PRKCA: variants seen among roughly 807,000 people sequenced by gnomAD.
The protein encoded by PRKCA is protein kinase C alpha.
Under a neutral mutation model 87.0 loss-of-function variants are expected in PRKCA, and 27 were observed. That is an observed-to-expected ratio of 0.31 (90% CI 0.23 to 0.43). The LOEUF (loss-of-function observed/expected upper bound fraction) is 0.43, where lower values mean the gene tolerates loss of function less well. PRKCA is among the 20% of genes least tolerant of loss of function. PRKCA has a pLI of 1.00. For missense variants in PRKCA, 518 were observed against 852.3 expected (o/e 0.61, Z 4.88); for synonymous variants, 329 against 311.1 (o/e 1.06, Z -0.61).
At chr17:66,306,973 C>G (rs1210730623) in intron 2 of PRKCA, among the ~76,000 whole-genome samples, 1 of 152,106 alleles carries the variant, frequency 6.6e-6, no homozygotes, top group African/African-American at 2.4e-5. Flanking sequence ...AAAGTACATT[C>G]TAGCCTGGAA....
chr17:66,549,650 G>T (rs1968265582), intron 3 of PRKCA, among the ~76,000 whole-genome samples: 1 of 152,046 alleles, frequency 6.6e-6, no homozygotes. Flanking sequence ...TCTGGTGGTG[G>T]TTCTAACCCA....
intron 5 of PRKCA, among the ~76,000 whole-genome samples, chr17:66,683,276 C>T (rs778792386): frequency 3.9e-5 from 6 of 152,168 alleles, no homozygotes; most frequent in Non-Finnish European, 5.9e-5. Flanking sequence ...TATTAAAAAG[C>T]GAGCCAATTT....
intron 3 of PRKCA, among the ~76,000 whole-genome samples, chr17:66,565,309 A>G (rs1968855207): frequency 1.3e-5 from 2 of 152,292 alleles, no homozygotes; most frequent in Middle Eastern, 3.4e-3. Flanking sequence ...CCCTGAGAGC[A>G]TGCTGAGCAG....
chr17:66,359,678 A>G (rs540214544), intron 2 of PRKCA, among the ~76,000 whole-genome samples: 29 of 152,354 alleles, frequency 1.9e-4, no homozygotes, highest in African/African-American at 5.1e-4. Flanking sequence ...ATGTTGACAG[A>G]TAACTCAGTA....
Position 66,719,310 on chromosome 17 carries a change from C to T in PRKCA, c.919-13378C>T, listed in dbSNP as rs74741582. Among the ~76,000 whole-genome samples the T allele has an allele frequency of 9.0e-3, 1,365 of 152,026 alleles. 8 individuals carry two copies. Among genetic ancestry groups the T allele is most frequent in the African/African-American group, 0.032 (1,307 of 41,448 alleles). Reference sequence around the variant, plus strand: ...CTTATAACCAGAAGTTCACAATAAGCAAAGGGGAGAAGCAGGTTACAAACA... The same window carrying T: ...CTTATAACCAGAAGTTCACAATAAGTAAAGGGGAGAAGCAGGTTACAAACA... On this transcript the variant is annotated intron_variant, in intron 8 of 16. Coordinates refer to ENST00000413366, the MANE Select transcript of PRKCA (RefSeq NM_002737.3).
chr17:66,330,730 T>C (rs894329643), intron 2 of PRKCA, among the ~76,000 whole-genome samples: 7 of 152,178 alleles, frequency 4.6e-5, no homozygotes, highest in Non-Finnish European at 1.0e-4. Context: ...TGACAATAAC[T>C]AGATTACAAA....
At chr17:66,617,337 C>G (rs1182280299) in intron 3 of PRKCA, among the ~76,000 whole-genome samples, 1 of 152,100 alleles carries the variant, frequency 6.6e-6, no homozygotes, top group East Asian at 1.9e-4. Context: ...TGAAGCCTCA[C>G]TTTATTCTTC....
chr17:66,697,412 G>T (rs1054521811), intron 8 of PRKCA, among the ~76,000 whole-genome samples: 2 of 152,072 alleles, frequency 1.3e-5, no homozygotes, highest in Admixed American at 1.3e-4. Flanking sequence ...GAACACTGTT[G>T]GAGGAAAAAC....
chr17:66,562,074 A>G (rs190293541), intron 3 of PRKCA, among the ~76,000 whole-genome samples: 19 of 135,188 alleles, frequency 1.4e-4, no homozygotes, highest in African/African-American at 4.5e-4. Flanking sequence ...ATATAATTAA[A>G]TTATATATAT....
intron 2 of PRKCA, among the ~76,000 whole-genome samples, chr17:66,307,791 A>G (rs576869592): frequency 6.6e-6 from 1 of 152,270 alleles, no homozygotes; most frequent in Admixed American, 6.5e-5. Flanking sequence ...TACCTAAATT[A>G]AAAAAGTGAA....
At chr17:66,588,482 C>T (rs186188209) in intron 3 of PRKCA, among the ~76,000 whole-genome samples, 1 of 152,122 alleles carries the variant, frequency 6.6e-6, no homozygotes, top group East Asian at 1.9e-4. Context: ...GAGCATTCAA[C>T]CTTTAATAGA....
intron 2 of PRKCA, among the ~76,000 whole-genome samples, chr17:66,384,456 C>A (rs1407169673): frequency 3.3e-5 from 5 of 152,202 alleles, no homozygotes; most frequent in Non-Finnish European, 2.9e-5. Flanking sequence ...TAAAAATTAT[C>A]TGATTTTTGA....
At chr17:66,375,832 C>T (rs1280751835) in intron 2 of PRKCA, among the ~76,000 whole-genome samples, 1 of 152,112 alleles carries the variant, frequency 6.6e-6, no homozygotes, top group Non-Finnish European at 1.5e-5. Flanking sequence ...CCATAGGAGC[C>T]ATATGGACCC....
At chr17:66,455,718 G>A (rs866229858) in intron 2 of PRKCA, among the ~76,000 whole-genome samples, 10 of 152,270 alleles carry the variant, frequency 6.6e-5, no homozygotes, top group South Asian at 4.2e-4. Flanking sequence ...ACAAGGGTGG[G>A]AAGAAACTTC....
chr17:66,532,303 C>A (rs527444013), intron 3 of PRKCA, among the ~76,000 whole-genome samples: 9 of 143,242 alleles, frequency 6.3e-5, no homozygotes, highest in Admixed American at 2.1e-4. Context: ...CCCCTCCCCC[C>A]CCACCCCCAC....
intron 4 of PRKCA, among the ~76,000 whole-genome samples, chr17:66,642,697 A>C (rs987864318): frequency 6.6e-6 from 1 of 152,202 alleles, no homozygotes; most frequent in African/African-American, 2.4e-5. Context: ...TTCTCAGGAC[A>C]CAGGGATTCT....
Position 66,703,508 on chromosome 17 carries a change from A to G in PRKCA, c.918+14461A>G, listed in dbSNP as rs530507924. ...CTTTTGTTTTAATAAGTAGAAAAAAATAAGACCTGATGTGGTGGCTCATGC... is the reference window on the plus strand; with the variant it reads ...CTTTTGTTTTAATAAGTAGAAAAAAGTAAGACCTGATGTGGTGGCTCATGC... On this transcript the variant is annotated intron_variant, in intron 8 of 16. Transcript: ENST00000413366. 41 of 152,292 alleles carry G rather than the reference A, an allele frequency of 2.7e-4. 1 individual carries two copies. The highest frequency in any genetic ancestry group is 3.4e-3 in the Middle Eastern group (1 of 294). The allele number at this position is 152,292 out of a possible 1,614,324, so 9.4% of individuals were successfully genotyped here. A position where few individuals can be genotyped will look rare whatever the true frequency, so the allele number is the denominator to read the frequency against.
intron 3 of PRKCA, among the ~76,000 whole-genome samples, chr17:66,571,327 ATTGT>A (rs1218483503): frequency 6.6e-6 from 1 of 152,138 alleles, no homozygotes; most frequent in Non-Finnish European, 1.5e-5. Flanking sequence ...TCAGGAAATA[ATTGT>A]TTTTTTTTAA....
intron 2 of PRKCA, among the ~76,000 whole-genome samples, chr17:66,367,839 C>G (rs1908823950): frequency 6.6e-6 from 1 of 152,178 alleles, no homozygotes; most frequent in Non-Finnish European, 1.5e-5. Flanking sequence ...GCTCACAAAC[C>G]TAAAGTGAAC....
Sources: gnomAD v4.1 joint callset for allele counts (sites outside exome capture counted in the v4.1 genomes callset) on GRCh38, gnomAD v4.1.1 for gene constraint, MANE v1.5 for transcripts, NCBI Gene and HGNC (gene_info 2026-07-23, HGNC 2026-07-21) for gene names.